Variants in FNDC3B observed in about 807,000 individuals in gnomAD.
FNDC3B encodes the protein fibronectin type III domain containing 3B, also known as fibronectin type III domain-containing protein 3B.
FNDC3B carries 12 observed loss-of-function variants against 151.5 expected under a neutral mutation model. The ratio of observed to expected loss-of-function variants is 0.08; its 90% CI spans 0.05 to 0.13. The LOEUF is 0.13. Ranked by LOEUF, FNDC3B falls within the 10% of genes least tolerant of loss-of-function variation. The probability of loss-of-function intolerance (pLI) is 1.00; values close to 1 mark genes in which losing one functional copy is unlikely to be tolerated. For synonymous variants in FNDC3B, 528 were observed against 549.0 expected, an observed-to-expected ratio of 0.96 and a Z score of 0.54; for missense variants, 1,214 against 1,505.3, an observed-to-expected ratio of 0.81 and a Z score of 3.20.
Position 172,113,653 on chromosome 3 carries a change from A to G in FNDC3B, c.111+1063A>G, listed in dbSNP as rs527904915. Among the ~76,000 whole-genome samples the G allele has an allele frequency of 8.5e-5, 13 of 152,256 alleles. No homozygotes were observed. The East Asian group carries it at 2.5e-3, about 29-fold the overall frequency. On this transcript the variant is annotated intron_variant, in intron 2 of 25. Coordinates refer to ENST00000415807, the MANE Select transcript of FNDC3B (RefSeq NM_022763.4). ...ATTCCTCAGTCTCTTCCTCTGCTGG[A>G]TTACTTCCACCAACATACAGTAGTA...
intron 3 of FNDC3B, among the ~76,000 whole-genome samples, chr3:172,202,525 A>G (rs867384164): frequency 7.9e-5 from 12 of 152,172 alleles, no homozygotes; most frequent in South Asian, 2.1e-4. Context: ...CCTTTGACAC[A>G]CTTGATTCAA....
At chr3:172,264,993 A>G (rs563365789) in intron 6 of FNDC3B, among the ~76,000 whole-genome samples, 3 of 152,326 alleles carry the variant, frequency 2.0e-5, no homozygotes, top group Non-Finnish European at 4.4e-5. Context: ...CAACCTCGAT[A>G]AGAGGATAAG....
At chr3:172,093,159 G>A (rs1576855428) in intron 1 of FNDC3B, among the ~76,000 whole-genome samples, 1 of 151,616 alleles carries the variant, frequency 6.6e-6, no homozygotes, top group South Asian at 2.1e-4. Context: ...CTGTTGCTCA[G>A]GGTGAAGTGC....
At chr3:172,262,037 A>T (rs1022479944) in intron 6 of FNDC3B, among the ~76,000 whole-genome samples, 1 of 152,206 alleles carries the variant, frequency 6.6e-6, no homozygotes, top group African/African-American at 2.4e-5. Context: ...ACTGGAAAGA[A>T]ATGAGAAGGG....
intron 1 of FNDC3B, among the ~76,000 whole-genome samples, chr3:172,053,544 G>A (rs1323501751): frequency 6.6e-6 from 1 of 152,176 alleles, no homozygotes; most frequent in Non-Finnish European, 1.5e-5. Context: ...GGCCAAGGCA[G>A]GCAGATCACC....
chr3:172,131,325 G>A lies in FNDC3B; in HGVS notation c.112-2146G>A, dbSNP rs921300927. Among the ~76,000 whole-genome samples the A allele has an allele frequency of 3.9e-5, 6 of 151,944 alleles. No individual in the cohort carries two copies. In the Middle Eastern group the frequency reaches 0.01, roughly 258 times the overall value. ...GGCGAATTGCTTGAACCTGGGAGGC[G>A]GAGGTTGCAGTGAGCTGAGATCGCG... is the stretch of plus-strand genomic sequence containing the variant. On this transcript the variant is annotated intron_variant, in intron 2 of 25. Coordinates refer to ENST00000415807, the MANE Select transcript of FNDC3B (RefSeq NM_022763.4).
chr3:172,363,480 A>C (rs1734462186), intron 23 of FNDC3B, among the ~76,000 whole-genome samples: 1 of 152,162 alleles, frequency 6.6e-6, no homozygotes. Context: ...CTGTATTTAG[A>C]AATAATCCAA....
At position 172,378,402 on chromosome 3, in the gene FNDC3B, C is replaced by T; in HGVS notation, c.3141C>T (p.Phe1047=). The change falls in exon 24 of 26, where the codon TTC becomes TTT. Residue 1047 remains phenylalanine (F), a synonymous_variant. Transcript: ENST00000415807. Reference sequence around the variant, plus strand: ...GGCCCTTCTCAGAAACCTATACCTTCAGCACAACCAAAAGTGTCCCCCCCA... The same window carrying T: ...GGCCCTTCTCAGAAACCTATACCTTTAGCACAACCAAAAGTGTCCCCCCCA... ...GEGPFSETYT[F]STTKSVPPTI... The T allele has an allele frequency of 6.2e-7, 1 of 1,613,402 alleles. No individual in the cohort carries two copies. Among genetic ancestry groups the T allele is most frequent in the Non-Finnish European group, 8.5e-7 (1 of 1,179,738 alleles).
chr3:172,329,145 CTGGAAGG>C, intron 12 of FNDC3B, 69 bp downstream of exon 12: 1 of 1,522,700 alleles, frequency 6.6e-7, no homozygotes. Flanking sequence ...TTTTACATAG[CTGGAAGG>C]CATGAGGAAG....
At chr3:172,136,042 A>T (rs539218074) in intron 3 of FNDC3B, among the ~76,000 whole-genome samples, 1 of 152,210 alleles carries the variant, frequency 6.6e-6, no homozygotes, top group Non-Finnish European at 1.5e-5. Context: ...ACACATAAGG[A>T]AGCTGAGGCC....
intron 23 of FNDC3B, among the ~76,000 whole-genome samples, chr3:172,372,352 G>A (rs1194180963): frequency 6.6e-6 from 1 of 152,152 alleles, no homozygotes; most frequent in Non-Finnish European, 1.5e-5. Flanking sequence ...AGCGTGGGCT[G>A]GGGCTCCTGT....
intron 4 of FNDC3B, among the ~76,000 whole-genome samples, chr3:172,244,774 G>A (rs1727692479): frequency 6.6e-6 from 1 of 151,696 alleles, no homozygotes; most frequent in Non-Finnish European, 1.5e-5. Context: ...ACAGGTCCAC[G>A]CTGCCACACC....
intron 1 of FNDC3B, among the ~76,000 whole-genome samples, chr3:172,097,278 T>C (rs984197623): frequency 1.3e-5 from 2 of 152,204 alleles, no homozygotes; most frequent in African/African-American, 4.8e-5. Flanking sequence ...AATCTAAGGA[T>C]TACTCAGCAA....
intron 4 of FNDC3B, among the ~76,000 whole-genome samples, chr3:172,239,059 T>A (rs6445052): frequency 7.3e-5 from 7 of 95,360 alleles, no homozygotes; most frequent in South Asian, 6.4e-4. Context: ...ATTTATTTTT[T>A]TTTTTTTATT....
At chr3:172,338,908 TTTGAATTTTTA>T (rs1467102819) in intron 16 of FNDC3B, among the ~76,000 whole-genome samples, 2 of 151,996 alleles carry the variant, frequency 1.3e-5, no homozygotes, top group East Asian at 3.9e-4. Context: ...GCTAATTTTT[TTTGAATTTTTA>T]GTAGAGACGG....
intron 9 of FNDC3B, 31 bp from the exon 10 acceptor site, chr3:172,307,332 C>A: frequency 6.2e-7 from 1 of 1,610,614 alleles, no homozygotes; most frequent in Non-Finnish European, 8.5e-7. Context: ...TGATGAGTCA[C>A]TGCCACTGAC....
intron 2 of FNDC3B, among the ~76,000 whole-genome samples, chr3:172,116,874 A>G (rs958604534): frequency 6.6e-6 from 1 of 152,146 alleles, no homozygotes. Context: ...TTCACTCAAC[A>G]CATTTCTAAG....
At chr3:172,272,214 C>T (rs142221911) in intron 6 of FNDC3B, among the ~76,000 whole-genome samples, 238 of 152,180 alleles carry the variant, frequency 1.6e-3, no homozygotes, top group African/African-American at 5.6e-3. Context: ...AGAGTGGGGA[C>T]TGGAAAGGTA....
At chr3:172,172,484 C>A (rs966815402) in intron 3 of FNDC3B, among the ~76,000 whole-genome samples, 12 of 152,180 alleles carry the variant, frequency 7.9e-5, no homozygotes, top group Admixed American at 1.3e-4. Context: ...ATTCAAAGAT[C>A]CTTTTTTGTT....
Sources: allele counts gnomAD v4.1 joint callset (sites outside exome capture counted in the v4.1 genomes callset), GRCh38; gene constraint gnomAD v4.1.1; transcripts MANE v1.5; gene names NCBI Gene and HGNC (gene_info 2026-07-23, HGNC 2026-07-21).